The following KATNBL1 variants were observed in gnomAD, a reference collection of about 807,000 sequenced individuals.
The protein encoded by KATNBL1 is KATNB1-like protein 1.
A neutral mutation model predicts 44.7 loss-of-function variants in KATNBL1; 28 were observed. The observed-to-expected ratio is 0.63, with a 90% confidence interval of 0.46 to 0.86. KATNBL1 has a LOEUF of 0.86. KATNBL1 is among the 40% of genes least tolerant of loss of function. KATNBL1 has a pLI of 0.00. For synonymous variants in KATNBL1, 78 were observed against 114.9 expected (o/e 0.68, Z 2.06); for missense variants, 272 against 350.7 (o/e 0.78, Z 1.79).
chr15:34,187,653 T>G (rs1224019250), intron 1 of KATNBL1, among the ~76,000 whole-genome samples: 1 of 152,198 alleles, frequency 6.6e-6, no homozygotes, highest in African/African-American at 2.4e-5. Flanking sequence ...TTGGCCTGAT[T>G]ACCCATACAA....
intron 1 of KATNBL1, among the ~76,000 whole-genome samples, chr15:34,185,790 G>A (rs1889699491): frequency 6.6e-6 from 1 of 152,094 alleles, no homozygotes; most frequent in Non-Finnish European, 1.5e-5. Flanking sequence ...ACTACATGCA[G>A]GAAAACAGGA....
At chr15:34,208,620 T>C (rs1567542847) in intron 1 of KATNBL1, 1 of 152,200 alleles carries the variant, frequency 6.6e-6, no homozygotes. Context: ...TATAAAGGAA[T>C]TGAAAACATA....
intron 2 of KATNBL1, among the ~76,000 whole-genome samples, chr15:34,157,952 T>C (rs1427985685): frequency 1.3e-5 from 2 of 152,214 alleles, no homozygotes; most frequent in African/African-American, 2.4e-5. Flanking sequence ...TTATTAGCAG[T>C]TGCACTTGAA....
At chr15:34,171,245 A>T (rs1889149391) in intron 1 of KATNBL1, among the ~76,000 whole-genome samples, 1 of 152,202 alleles carries the variant, frequency 6.6e-6, no homozygotes, top group Non-Finnish European at 1.5e-5. Context: ...TCAAGAAAAA[A>T]ACAAACAACC....
chr15:34,148,589 GAA>G (rs778686665), intron 5 of KATNBL1, 41 bp downstream of exon 5: 2 of 1,171,250 alleles, frequency 1.7e-6, no homozygotes, highest in South Asian at 1.3e-5. Flanking sequence ...ACTTGTCTCA[GAA>G]AAAAAGTGAT....
Position 34,142,603 on chromosome 15 carries a change from A to G in KATNBL1, c.883-232T>C, listed in dbSNP as rs1888181261. The stretch of plus-strand genomic sequence containing the variant: ...GTGCTAAATGAATGTGTTGGTTCCT[A>G]TGCTCAAACAACTCTGCTTTCATAG... On this transcript the variant is annotated intron_variant, in intron 9 of 9. Transcript: ENST00000256544. The G allele has an allele frequency of 7.2e-6, 3 of 414,886 alleles. No individual in the cohort carries two copies. The Admixed American group carries it at 1.3e-4, about 18-fold the overall frequency. The allele number at this position is 414,886 out of a possible 1,614,324, so 25.7% of individuals were successfully genotyped here. A position where few individuals can be genotyped will look rare whatever the true frequency, so the allele number is the denominator to read the frequency against.
In KATNBL1 at chr15:34,163,604, G is replaced by A; in HGVS notation, c.73C>T (p.Pro25Ser). The change falls in exon 2 of 10, where the codon CCT becomes TCT. Residue 25 changes from proline to serine, a missense_variant. Transcript: ENST00000256544. ...GTGAAATTAGAGATCTTTTTTCTAG[G>A]AAGATCAATGAAATGATCCTCAATC... ...NKIEDHFIDL[P>S]RKKISNFTNK... is the part of the protein sequence containing the mutation. 1 of 1,595,986 alleles carries A rather than the reference G, an allele frequency of 6.3e-7. No individual in the cohort carries two copies. Among genetic ancestry groups the A allele is most frequent in the South Asian group, 1.2e-5 (1 of 86,556 alleles).
rs1052101451 is a variant in KATNBL1, at chr15:34,189,519, T to G, written c.-15+20432A>C. ...GAACTTAGAACTTGCAATTTTGCTT[T>G]CGGAAAGTTTGTCAAATATCAAAGG... On this transcript the variant is annotated intron_variant, in intron 1 of 9. Transcript: ENST00000256544. Among the ~76,000 whole-genome samples the G allele has an allele frequency of 1.3e-4, 20 of 152,352 alleles. No individual in the cohort carries two copies. In the East Asian group the frequency reaches 2.1e-3, roughly 16 times the overall value.
intron 1 of KATNBL1, among the ~76,000 whole-genome samples, chr15:34,187,529 T>C (rs1889750478): frequency 6.6e-6 from 1 of 152,170 alleles, no homozygotes; most frequent in Non-Finnish European, 1.5e-5. Flanking sequence ...GTTAATCTAA[T>C]ACTATAGTTT....
intron 1 of KATNBL1, among the ~76,000 whole-genome samples, chr15:34,184,074 C>T (rs1049726720): frequency 2.6e-5 from 4 of 152,038 alleles, no homozygotes; most frequent in Admixed American, 1.3e-4. Flanking sequence ...GAGGCCGAGG[C>T]GGGTGGATTA....
intron 1 of KATNBL1, among the ~76,000 whole-genome samples, chr15:34,164,945 C>T (rs1268516952): frequency 2.0e-5 from 3 of 152,198 alleles, no homozygotes; most frequent in African/African-American, 7.2e-5. Flanking sequence ...GAGGCATATT[C>T]TCAATTCTCC....
intron 1 of KATNBL1, among the ~76,000 whole-genome samples, chr15:34,181,693 T>TATATATCCACATATATATGTCC (rs1567532090): frequency 4.4e-5 from 1 of 22,968 alleles, no homozygotes; most frequent in East Asian, 2.6e-3. Context: ...TATATGTCCA[T>TATATATCCACATATATATGTCC]ATATATATCC....
At chr15:34,188,878 C>A (rs1258822560) in intron 1 of KATNBL1, among the ~76,000 whole-genome samples, 1 of 152,104 alleles carries the variant, frequency 6.6e-6, no homozygotes, top group Non-Finnish European at 1.5e-5. Flanking sequence ...TGGAAAGAAT[C>A]AAAGCAAAAC....
chr15:34,206,151 TG>T (rs1452285656), intron 1 of KATNBL1, among the ~76,000 whole-genome samples: 1 of 152,182 alleles, frequency 6.6e-6, no homozygotes, highest in Non-Finnish European at 1.5e-5. Context: ...CCTTTCCCAC[TG>T]TAACACCAAG....
chr15:34,204,841 G>C (rs758067209), intron 1 of KATNBL1, among the ~76,000 whole-genome samples: 2 of 152,208 alleles, frequency 1.3e-5, no homozygotes, highest in African/African-American at 2.4e-5. Context: ...AAATGCAGAA[G>C]TCCCTGAATG....
In KATNBL1 at chr15:34,153,022, A is replaced by T. The variant is rs745826708; in HGVS notation, c.206T>A (p.Ile69Asn). Residue 69 changes from isoleucine (I) to asparagine (N), a missense_variant, in exon 4 of 10, where the codon ATC (isoleucine) becomes AAC (asparagine). Around this residue, in one of 3 missense-constraint regions of KATNBL1, gnomAD observed 122 missense variants for 125.0 expected, o/e 0.98. Coordinates refer to ENST00000256544, the MANE Select transcript of KATNBL1 (RefSeq NM_024713.3). The stretch of plus-strand genomic sequence containing the variant: ...ATGATGAACTTTCTTTCTGCGATAG[A>T]TCACTTTACGAAGTTTATCTGGGCT... ...VKSPDKLRKV[I>N]YRRKKVHHPF... The T allele has an allele frequency of 1.9e-6, 3 of 1,613,420 alleles. No homozygotes were observed. The highest frequency in any genetic ancestry group is 2.5e-6 in the Non-Finnish European group (3 of 1,179,480).
intron 2 of KATNBL1, among the ~76,000 whole-genome samples, chr15:34,159,948 G>T (rs1406667882): frequency 6.6e-6 from 1 of 152,186 alleles, no homozygotes; most frequent in Non-Finnish European, 1.5e-5. Flanking sequence ...ACTGAGGAGC[G>T]AGCTGCTCCT....
chr15:34,201,975 G>T (rs907803565), intron 1 of KATNBL1, among the ~76,000 whole-genome samples: 9 of 152,086 alleles, frequency 5.9e-5, no homozygotes, highest in Admixed American at 2.0e-4. Context: ...ATTATTTAAG[G>T]TGTATGGGAG....
intron 1 of KATNBL1, among the ~76,000 whole-genome samples, chr15:34,208,311 G>C (rs1890346740): frequency 6.6e-6 from 1 of 152,108 alleles, no homozygotes; most frequent in African/African-American, 2.4e-5. Flanking sequence ...CATTTCTTTT[G>C]TATAGCCAAT....
Sources: allele counts gnomAD v4.1 joint callset (sites outside exome capture counted in the v4.1 genomes callset), GRCh38; gene constraint gnomAD v4.1.1; regional missense constraint gnomAD v4.1.1; transcripts MANE v1.5; gene names NCBI Gene and HGNC (gene_info 2026-07-23, HGNC 2026-07-21).